EPHB1: variants seen among roughly 807,000 people sequenced by gnomAD.
EPHB1 encodes the protein ephrin type-B receptor 1.
EPHB1 carries 30 observed loss-of-function variants against 94.4 expected under a neutral mutation model. The observed-to-expected ratio is 0.32, with a 90% CI of 0.24 to 0.43. EPHB1 has a LOEUF of 0.43. EPHB1 is among the 20% of genes least tolerant of loss of function. EPHB1 has a pLI of 1.00. For missense variants in EPHB1, 1,055 were observed against 1,308.3 expected (o/e 0.81, Z 2.99); for synonymous variants, 522 against 489.1 (o/e 1.07, Z -0.89).
intron 6 of EPHB1, among the ~76,000 whole-genome samples, chr3:135,158,777 C>T (rs928466835): frequency 6.6e-6 from 1 of 151,968 alleles, no homozygotes; most frequent in Admixed American, 6.6e-5. Context: ...CTGGTGTCAG[C>T]GCTTGTAGAC....
At chr3:135,215,264 A>G (rs547936188) in intron 12 of EPHB1, among the ~76,000 whole-genome samples, 6 of 152,076 alleles carry the variant, frequency 3.9e-5, no homozygotes, top group Non-Finnish European at 8.8e-5. Context: ...CCTGGGTTCA[A>G]GTGATTCTCC....
At chr3:135,183,001 T>TTTTGC (rs1942199999) in intron 10 of EPHB1, among the ~76,000 whole-genome samples, 1 of 65,734 alleles carries the variant, frequency 1.5e-5, no homozygotes. Flanking sequence ...TTTTCTTTTC[T>TTTTGC]TTTCTTTTCT....
At chr3:135,209,339 G>C (rs987658291) in intron 12 of EPHB1, among the ~76,000 whole-genome samples, 4 of 152,212 alleles carry the variant, frequency 2.6e-5, no homozygotes, top group Non-Finnish European at 5.9e-5. Flanking sequence ...TTATTACAAA[G>C]AGGGAGAAAG....
intron 3 of EPHB1, among the ~76,000 whole-genome samples, chr3:135,017,411 T>C (rs1414825181): frequency 6.6e-6 from 1 of 152,204 alleles, no homozygotes; most frequent in Non-Finnish European, 1.5e-5. Flanking sequence ...AGTGTGCGTG[T>C]GTGAGTGAGA....
chr3:135,241,872 A>T (rs1004333289), intron 13 of EPHB1, among the ~76,000 whole-genome samples: 2 of 152,190 alleles, frequency 1.3e-5, no homozygotes, highest in African/African-American at 4.8e-5. Context: ...GAAGAGGTGG[A>T]AAGCTTTCCA....
At chr3:134,982,252 T>C (rs36108) in intron 3 of EPHB1, among the ~76,000 whole-genome samples, 96,784 of 152,056 alleles carry the variant, frequency 0.64, 32,783 homozygotes, top group African/African-American at 0.85. Flanking sequence ...GCTTAGAAGA[T>C]AGAAATCATC....
intron 1 of EPHB1, among the ~76,000 whole-genome samples, chr3:134,881,289 G>C (rs543997384): frequency 9.7e-4 from 148 of 152,280 alleles, no homozygotes; most frequent in African/African-American, 3.4e-3. Flanking sequence ...ATGCTGGGGT[G>C]TAACATATAT....
chr3:134,909,808 T>A (rs756285440), intron 1 of EPHB1, among the ~76,000 whole-genome samples: 1 of 152,194 alleles, frequency 6.6e-6, no homozygotes, highest in Non-Finnish European at 1.5e-5. Context: ...ACTCTTTCCT[T>A]GAGCTTCCAG....
intron 3 of EPHB1, among the ~76,000 whole-genome samples, chr3:135,071,596 C>A (rs1937712452): frequency 6.6e-6 from 1 of 152,174 alleles, no homozygotes; most frequent in African/African-American, 2.4e-5. Flanking sequence ...ATTTGACATT[C>A]TTTCTGCTCC....
intron 2 of EPHB1, among the ~76,000 whole-genome samples, chr3:134,941,348 A>G (rs1010764105): frequency 6.7e-6 from 1 of 148,262 alleles, no homozygotes; most frequent in African/African-American, 2.5e-5. Flanking sequence ...GTTCCAAATG[A>G]TCTTTGCCTG....
intron 1 of EPHB1, among the ~76,000 whole-genome samples, chr3:134,817,199 A>G (rs866895817): frequency 2.6e-5 from 4 of 152,198 alleles, no homozygotes; most frequent in Non-Finnish European, 5.9e-5. Flanking sequence ...ATAAAAATAA[A>G]GTTTGAAGGC....
chr3:135,097,164 C>CTTT, intron 3 of EPHB1, among the ~76,000 whole-genome samples: 1 of 103,010 alleles, frequency 9.7e-6, no homozygotes, highest in Non-Finnish European at 2.0e-5. Flanking sequence ...ATTTTTTTTT[C>CTTT]TTTGTTTTTT....
At chr3:135,173,618 T>C (rs758838508) in intron 9 of EPHB1, among the ~76,000 whole-genome samples, 1 of 152,094 alleles carries the variant, frequency 6.6e-6, no homozygotes, top group Non-Finnish European at 1.5e-5. Context: ...CCCTCAGAGG[T>C]CGGTGGGGCA....
intron 1 of EPHB1, among the ~76,000 whole-genome samples, chr3:134,804,770 A>G (rs768815105): frequency 1.3e-4 from 20 of 152,204 alleles, no homozygotes; most frequent in Non-Finnish European, 2.8e-4. Flanking sequence ...GACTTACGAC[A>G]TCAGAGGAGG....
chr3:135,066,743 A>AT (rs201182039), intron 3 of EPHB1, among the ~76,000 whole-genome samples: 1,701 of 151,590 alleles, frequency 0.011, 12 homozygotes, highest in Non-Finnish European at 0.017. Context: ...AGCTAGTGTG[A>AT]TTTTTTCTGG....
chr3:134,813,591 C>T (rs1273594917), intron 1 of EPHB1, among the ~76,000 whole-genome samples: 3 of 152,162 alleles, frequency 2.0e-5, no homozygotes, highest in African/African-American at 2.4e-5. Context: ...TGTGAGTGTC[C>T]GAGGCTGTTC....
At chr3:134,826,617 G>A (rs2036484105) in intron 1 of EPHB1, among the ~76,000 whole-genome samples, 1 of 152,104 alleles carries the variant, frequency 6.6e-6, no homozygotes, top group African/African-American at 2.4e-5. Flanking sequence ...AAATATAAAG[G>A]TTGTCTAAAT....
At chr3:135,240,204 G>C (rs1242242864) in intron 12 of EPHB1, among the ~76,000 whole-genome samples, 1 of 152,082 alleles carries the variant, frequency 6.6e-6, no homozygotes, top group Non-Finnish European at 1.5e-5. Context: ...TTTCTTGTCT[G>C]TCTCCCCACT....
At chr3:134,867,988 G>A (rs1053047753) in intron 1 of EPHB1, among the ~76,000 whole-genome samples, 2 of 152,188 alleles carry the variant, frequency 1.3e-5, no homozygotes, top group Non-Finnish European at 2.9e-5. Flanking sequence ...CTCTAAGCAT[G>A]AAGTTCAGGG....
Sources: gnomAD v4.1 joint callset for allele counts (sites outside exome capture counted in the v4.1 genomes callset) on GRCh38, gnomAD v4.1.1 for gene constraint, MANE v1.5 for transcripts, NCBI Gene and HGNC (gene_info 2026-07-23, HGNC 2026-07-21) for gene names.